The following PPM1B variants were observed in gnomAD, a reference collection of about 807,000 sequenced individuals.
PPM1B encodes protein phosphatase 1B.
A neutral mutation model predicts 43.0 loss-of-function variants in PPM1B; 22 were observed. The observed-to-expected ratio is 0.51, with a 90% CI of 0.37 to 0.73. PPM1B has a LOEUF of 0.73. Ranked by LOEUF, PPM1B falls within the 30% of genes least tolerant of loss-of-function variation. The pLI, the probability that PPM1B is intolerant of heterozygous loss-of-function variation, is 0.00. For synonymous variants in PPM1B, 217 were observed against 197.9 expected (o/e 1.10, Z -0.81); for missense variants, 632 against 584.2 (o/e 1.08, Z -0.84).
At chr2:44,172,498 A>G (rs560375800) in intron 1 of PPM1B, among the ~76,000 whole-genome samples, 1 of 152,340 alleles carries the variant, frequency 6.6e-6, no homozygotes, top group Admixed American at 6.5e-5. Flanking sequence ...AAAAAGGTAC[A>G]TGAGCTTCAT....
chr2:44,174,908 G>T (rs938588344), intron 1 of PPM1B, among the ~76,000 whole-genome samples: 1 of 152,144 alleles, frequency 6.6e-6, no homozygotes, highest in Non-Finnish European at 1.5e-5. Flanking sequence ...TTATCTCTGA[G>T]GTGGGGAAAT....
intron 5 of PPM1B, among the ~76,000 whole-genome samples, chr2:44,243,277 C>G (rs1371524248): frequency 6.6e-6 from 1 of 152,106 alleles, no homozygotes; most frequent in Non-Finnish European, 1.5e-5. Context: ...ACTTTTAAAT[C>G]AAATAGGATT....
intron 1 of PPM1B, among the ~76,000 whole-genome samples, chr2:44,176,018 T>A (rs920676984): frequency 6.6e-6 from 1 of 152,160 alleles, no homozygotes; most frequent in Non-Finnish European, 1.5e-5. Flanking sequence ...ACTCCTGACC[T>A]CATGATCCAC....
intron 1 of PPM1B, among the ~76,000 whole-genome samples, chr2:44,178,899 G>C (rs1292690854): frequency 1.3e-5 from 2 of 152,168 alleles, no homozygotes; most frequent in Non-Finnish European, 1.5e-5. Context: ...ATTTAATCCA[G>C]TATTTCCAAA....
chr2:44,239,205 C>T (rs1170343600), downstream of PPM1B, among the ~76,000 whole-genome samples: 6 of 147,462 alleles, frequency 4.1e-5, no homozygotes, highest in East Asian at 7.9e-4. Context: ...AAAAAAAATC[C>T]GGTTGGATAA....
chr2:44,198,113 A>T (rs1447357546), intron 1 of PPM1B, among the ~76,000 whole-genome samples: 1 of 152,086 alleles, frequency 6.6e-6, no homozygotes, highest in African/African-American at 2.4e-5. Flanking sequence ...TGCAGTAAGG[A>T]GGAGAATTTT....
At chr2:44,243,518 A>G (rs746509243) in intron 5 of PPM1B, among the ~76,000 whole-genome samples, 1 of 152,182 alleles carries the variant, frequency 6.6e-6, no homozygotes, top group African/African-American at 2.4e-5. Context: ...GAATATTTGT[A>G]CTTTAATACA....
chr2:44,229,957 A>T (rs781135249), intron 5 of PPM1B: 1 of 1,497,138 alleles, frequency 6.7e-7, no homozygotes, highest in Non-Finnish European at 9.1e-7. Flanking sequence ...GTTTAAATCT[A>T]TATAGTTTTA....
chr2:44,222,439 A>G (rs1008489638), intron 5 of PPM1B, among the ~76,000 whole-genome samples: 1 of 152,232 alleles, frequency 6.6e-6, no homozygotes, highest in Non-Finnish European at 1.5e-5. Context: ...AAAAAGACTC[A>G]TAATGCTTTT....
intron 3 of PPM1B, among the ~76,000 whole-genome samples, chr2:44,216,680 C>T (rs1669733660): frequency 6.6e-6 from 1 of 152,306 alleles, no homozygotes; most frequent in South Asian, 2.1e-4. Flanking sequence ...CTAATCCCAG[C>T]ATTTTGAGAG....
chr2:44,190,969 A>G (rs765374044), intron 1 of PPM1B, among the ~76,000 whole-genome samples: 1 of 152,212 alleles, frequency 6.6e-6, no homozygotes, highest in Non-Finnish European at 1.5e-5. Flanking sequence ...GCTTCTTAAC[A>G]TAAGGATCCA....
chr2:44,177,700 G>C lies in PPM1B; in HGVS notation c.-15+8426G>C, dbSNP rs148040521. On this transcript the variant is annotated intron_variant, in intron 1 of 5. Transcript: ENST00000282412. ...CCCAAAGTGCTGGGATTACAGACAT[G>C]AGCCACCGCGCCCGGCCTACATGTA... Among the ~76,000 whole-genome samples the C allele has an allele frequency of 6.1e-3, 933 of 151,910 alleles. 15 individuals carry two copies. Among genetic ancestry groups the C allele is most frequent in the African/African-American group, 0.021 (881 of 41,442 alleles).
At chr2:44,222,592 T>C (rs1395465839) in intron 5 of PPM1B, among the ~76,000 whole-genome samples, 1 of 152,156 alleles carries the variant, frequency 6.6e-6, no homozygotes, top group Non-Finnish European at 1.5e-5. Flanking sequence ...ATAGGTAATC[T>C]TCTCAGCACC....
intron 1 of PPM1B, among the ~76,000 whole-genome samples, chr2:44,195,080 A>G (rs1668597425): frequency 6.6e-6 from 1 of 151,556 alleles, no homozygotes; most frequent in Admixed American, 6.6e-5. Flanking sequence ...TTTAGTAGAG[A>G]CAGGGTTTCA....
At chr2:44,222,339 T>A (rs1670014151) in intron 5 of PPM1B, among the ~76,000 whole-genome samples, 3 of 152,212 alleles carry the variant, frequency 2.0e-5, no homozygotes, top group Admixed American at 1.3e-4. Flanking sequence ...CCTTAAGTCA[T>A]ATATTTAAAA....
At chr2:44,212,792 C>T (rs775802433) in intron 3 of PPM1B, among the ~76,000 whole-genome samples, 1 of 152,008 alleles carries the variant, frequency 6.6e-6, no homozygotes, top group African/African-American at 2.4e-5. Flanking sequence ...GGGCAGATCA[C>T]GAGGTCTGGA....
intron 3 of PPM1B, among the ~76,000 whole-genome samples, chr2:44,214,897 T>A (rs1669652716): frequency 6.6e-6 from 1 of 152,238 alleles, no homozygotes; most frequent in South Asian, 2.1e-4. Flanking sequence ...GCACCTATTA[T>A]GGTGCCTAGC....
chr2:44,228,971 T>C (rs537315504), intron 5 of PPM1B, among the ~76,000 whole-genome samples: 34 of 152,084 alleles, frequency 2.2e-4, no homozygotes, highest in African/African-American at 7.5e-4. Flanking sequence ...TCACCTGAGG[T>C]TGGGAGTTCG....
chr2:44,218,364 C>G, intron 4 of PPM1B, 116 bp from the exon 5 acceptor site: 1 of 779,456 alleles, frequency 1.3e-6, no homozygotes, highest in Non-Finnish European at 2.1e-6. Context: ...ATGTTCTTGA[C>G]AAGTATAGAG....
Sources: allele counts gnomAD v4.1 joint callset (sites outside exome capture counted in the v4.1 genomes callset), GRCh38; gene constraint gnomAD v4.1.1; transcripts MANE v1.5; gene names NCBI Gene and HGNC (gene_info 2026-07-23, HGNC 2026-07-21).